APBB2: variants seen among roughly 807,000 people sequenced by gnomAD.
APBB2 encodes amyloid beta precursor protein binding family B member 2.
A neutral mutation model predicts 82.5 loss-of-function variants in APBB2; 38 were observed. The observed-to-expected ratio is 0.46, with a 90% CI of 0.36 to 0.60. The LOEUF (loss-of-function observed/expected upper bound fraction) is 0.60, where lower values mean the gene tolerates loss of function less well. Ranked by LOEUF, APBB2 falls within the 20% of genes least tolerant of loss-of-function variation. The pLI, the probability that APBB2 is intolerant of heterozygous loss-of-function variation, is 0.00. For missense variants in APBB2, 772 were observed against 972.3 expected (o/e 0.79, Z 2.74); for synonymous variants, 341 against 368.2 (o/e 0.93, Z 0.85).
At chr4:40,893,709 A>T (rs919479502) in intron 10 of APBB2, among the ~76,000 whole-genome samples, 6 of 152,182 alleles carry the variant, frequency 3.9e-5, no homozygotes, top group Non-Finnish European at 8.8e-5. Context: ...CTGTGATCCT[A>T]GCACCTGTAA....
At chr4:40,877,668 G>A (rs902211975) in intron 12 of APBB2, among the ~76,000 whole-genome samples, 7 of 152,214 alleles carry the variant, frequency 4.6e-5, no homozygotes, top group African/African-American at 1.7e-4. Flanking sequence ...TGCTGGGACA[G>A]ACCTGGTTTT....
intron 2 of APBB2, among the ~76,000 whole-genome samples, chr4:41,125,769 GA>G (rs1292960484): frequency 6.6e-6 from 1 of 152,176 alleles, no homozygotes; most frequent in Non-Finnish European, 1.5e-5. Flanking sequence ...CATTTACTGT[GA>G]AAACCAGGGA....
In APBB2 at chr4:41,188,545, T is replaced by C. The variant is rs138746729; in HGVS notation, c.-417+25860A>G. ...GCCATGTGAGGACACAGTGAGAAGATGGCCATCTATGAGCCAGAAAGCAGG... is the reference window on the plus strand; with the variant it reads ...GCCATGTGAGGACACAGTGAGAAGACGGCCATCTATGAGCCAGAAAGCAGG... On this transcript the variant is annotated intron_variant, in intron 1 of 17. Transcript: ENST00000508593. Among the ~76,000 whole-genome samples, 1,132 of 152,302 alleles carry C rather than the reference T, an allele frequency of 7.4e-3. 10 individuals carry two copies. Among genetic ancestry groups the C allele is most frequent in the African/African-American group, 0.026 (1,062 of 41,562 alleles).
Position 40,964,418 on chromosome 4 carries a change from A to T in APBB2, c.836-19345T>A, listed in dbSNP as rs148600133. On this transcript the variant is annotated intron_variant, in intron 6 of 17. Coordinates refer to ENST00000508593, the MANE Select transcript of APBB2 (RefSeq NM_004307.2). ...TCACTGAGCAAAACCACGTAAAATTATATCCATACATTCATCAATAAAAAT... is the reference window on the plus strand; with the variant it reads ...TCACTGAGCAAAACCACGTAAAATTTTATCCATACATTCATCAATAAAAAT... Among the ~76,000 whole-genome samples, 453 of 152,284 alleles carry T rather than the reference A, an allele frequency of 3.0e-3. 2 individuals are homozygous for T. The highest frequency in any genetic ancestry group is 3.5e-3 in the Non-Finnish European group (241 of 68,040).
At chr4:40,990,432 G>A (rs1801700272) in intron 6 of APBB2, among the ~76,000 whole-genome samples, 1 of 152,152 alleles carries the variant, frequency 6.6e-6, no homozygotes, top group Admixed American at 6.5e-5. Flanking sequence ...GTGCCAGAAA[G>A]GAGTGGTGAG....
chr4:41,134,865 C>G (rs1757135843), intron 2 of APBB2, among the ~76,000 whole-genome samples: 1 of 152,170 alleles, frequency 6.6e-6, no homozygotes, highest in Non-Finnish European at 1.5e-5. Flanking sequence ...CCACAGCTGC[C>G]CTCCTTACAG....
At chr4:41,019,611 G>C (rs930518077) in intron 5 of APBB2, among the ~76,000 whole-genome samples, 1 of 152,174 alleles carries the variant, frequency 6.6e-6, no homozygotes, top group African/African-American at 2.4e-5. Flanking sequence ...GGCGTGTTGA[G>C]ATGAACAGAT....
At chr4:41,161,170 CAAAAAAAAA>C (rs33917178) in intron 1 of APBB2, among the ~76,000 whole-genome samples, 3 of 86,278 alleles carry the variant, frequency 3.5e-5, no homozygotes, top group Non-Finnish European at 4.6e-5. Context: ...TCTTCCCTGG[CAAAAAAAAA>C]AAAAAAAAAA....
chr4:41,052,208 A>AATACATACATAC (rs33920742), intron 4 of APBB2, among the ~76,000 whole-genome samples: 16,296 of 149,750 alleles, frequency 0.11, 1,277 homozygotes, highest in East Asian at 0.31. Flanking sequence ...TCTGTACAAA[A>AATACATACATAC]ATACATACAT....
chr4:41,074,476 C>T (rs1015592765), intron 3 of APBB2, among the ~76,000 whole-genome samples: 15 of 152,048 alleles, frequency 9.9e-5, no homozygotes, highest in African/African-American at 2.9e-4. Context: ...ACAACAGGAA[C>T]CTGCAAATAG....
Position 41,018,719 on chromosome 4 carries a change from C to G in APBB2, c.20-4321G>C, listed in dbSNP as rs183009188. Among the ~76,000 whole-genome samples the G allele has an allele frequency of 6.6e-3, 1,006 of 152,230 alleles. 16 individuals are homozygous for G. Among genetic ancestry groups the G allele is most frequent in the African/African-American group, 0.022 (896 of 41,534 alleles). ...AGGCAATTAAAACATCAGTGGTGATCAGAGAAACAGTGGAAAGAGGTACAC... is the reference window on the plus strand; with the variant it reads ...AGGCAATTAAAACATCAGTGGTGATGAGAGAAACAGTGGAAAGAGGTACAC... On this transcript the variant is annotated intron_variant, in intron 5 of 17. Transcript: ENST00000508593.
At chr4:41,028,324 G>A (rs1031563778) in intron 5 of APBB2, among the ~76,000 whole-genome samples, 1 of 152,240 alleles carries the variant, frequency 6.6e-6, no homozygotes, top group African/African-American at 2.4e-5. Flanking sequence ...ACATGGCCAA[G>A]GCACAGCCAA....
intron 2 of APBB2, chr4:41,113,985 G>A (rs1431295890): frequency 6.6e-6 from 1 of 152,310 alleles, no homozygotes; most frequent in East Asian, 1.9e-4. Flanking sequence ...GAACGACACA[G>A]ACATTAGCCT....
At chr4:41,026,853 CAT>C (rs1367451861) in intron 5 of APBB2, among the ~76,000 whole-genome samples, 1 of 152,022 alleles carries the variant, frequency 6.6e-6, no homozygotes, top group Non-Finnish European at 1.5e-5. Context: ...TTTTGATAAA[CAT>C]AGAAATTGAC....
Position 40,825,950 on chromosome 4 carries a change from T to C in APBB2, c.1753A>G (p.Thr585Ala). 1 of 1,614,076 alleles carries C rather than the reference T, an allele frequency of 6.2e-7. No individual in the cohort carries two copies. The highest frequency in any genetic ancestry group is 2.2e-5 in the East Asian group (1 of 44,876). Residue 585 changes from threonine (T) to alanine (A), a missense_variant, in exon 15 of 18, where the codon ACT becomes GCT. By Grantham distance (58) the Thr-to-Ala change is moderately conservative. Coordinates refer to ENST00000508593, the MANE Select transcript of APBB2 (RefSeq NM_004307.2). The part of the protein sequence containing the change: ...PLQVDFPTPK[T>A]ELVQKFHVQY... Reference sequence around the variant, plus strand: ...ACGTGGAACTTCTGGACCAGCTCAGTCTTTGGTGTTGGAAAATCTACTACA... The same window carrying C: ...ACGTGGAACTTCTGGACCAGCTCAGCCTTTGGTGTTGGAAAATCTACTACA...
At chr4:41,152,648 C>G (rs749860099) in intron 1 of APBB2, among the ~76,000 whole-genome samples, 1 of 152,136 alleles carries the variant, frequency 6.6e-6, no homozygotes, top group Non-Finnish European at 1.5e-5. Flanking sequence ...TCTGATGACT[C>G]GCACTGCTGA....
chr4:41,116,997 C>A (rs1751204094), intron 2 of APBB2, among the ~76,000 whole-genome samples: 1 of 152,140 alleles, frequency 6.6e-6, no homozygotes, highest in Non-Finnish European at 1.5e-5. Flanking sequence ...TCTCCCATCA[C>A]TGTCCCTCAG....
At position 40,822,042 on chromosome 4, in the gene APBB2, CTCTTCAT is replaced by C. The variant is rs780699277; in HGVS notation, c.1934_1940del (p.Asn645ArgfsTer4). ...GCACACGACATTCCACTAAGACTTC[CTCTTCAT>C]TCTGCAAGAGACATTATGCGGCATC... is the stretch of plus-strand genomic sequence containing the variant. On this transcript the variant is annotated frameshift_variant and splice_region_variant, in exon 17 of 18. Coordinates refer to ENST00000508593, the MANE Select transcript of APBB2 (RefSeq NM_004307.2). LOFTEE classifies it high-confidence loss of function. 1.9e-6 allele frequency: 3 copies of C among 1,614,180 alleles called. No homozygotes were observed. The highest frequency in any genetic ancestry group is 2.5e-6 in the Non-Finnish European group (3 of 1,180,010).
intron 1 of APBB2, among the ~76,000 whole-genome samples, chr4:41,166,076 A>G (rs936660325): frequency 2.0e-5 from 3 of 150,646 alleles, no homozygotes; most frequent in Admixed American, 1.3e-4. Context: ...GGGTTTCACC[A>G]TGTTAGCCAG....
Sources: gnomAD v4.1 joint callset for allele counts (sites outside exome capture counted in the v4.1 genomes callset) on GRCh38, gnomAD v4.1.1 for gene constraint, MANE v1.5 for transcripts, NCBI Gene and HGNC (gene_info 2026-07-23, HGNC 2026-07-21) for gene names.